RBM34: variants seen among roughly 807,000 people sequenced by gnomAD.
The protein encoded by RBM34 is RNA-binding protein 34.
RBM34 carries 39 observed loss-of-function variants against 44.6 expected under a neutral mutation model. That is an observed-to-expected ratio of 0.87 (90% CI 0.68 to 1.14). The LOEUF (loss-of-function observed/expected upper bound fraction) is 1.14, where lower values mean the gene tolerates loss of function less well. Ranked by LOEUF, RBM34 falls within the 50% of genes most tolerant of loss-of-function variation. The pLI is 0.00. For missense variants in RBM34, 572 were observed against 517.9 expected (o/e 1.10, Z -1.01); for synonymous variants, 194 against 184.0 (o/e 1.05, Z -0.44).
At chr1:235,147,010 T>A (rs1661933872) in intron 6 of RBM34, among the ~76,000 whole-genome samples, 1 of 152,204 alleles carries the variant, frequency 6.6e-6, no homozygotes, top group Non-Finnish European at 1.5e-5. Flanking sequence ...GCAGAAGGAT[T>A]GCTTGAAGCC....
intron 8 of RBM34, among the ~76,000 whole-genome samples, chr1:235,137,516 C>T (rs745916240): frequency 2.9e-4 from 44 of 151,422 alleles, no homozygotes; most frequent in Non-Finnish European, 5.6e-4. Context: ...CTGGGACTGT[C>T]GGCATGCATC....
rs1159513135 is a variant in RBM34, at chr1:235,161,196, T to C, written c.31A>G (p.Arg11Gly). 3.1e-6 allele frequency: 5 copies of C among 1,609,480 alleles called. No individual in the cohort carries two copies. Among genetic ancestry groups the C allele is most frequent in the Non-Finnish European group, 4.2e-6 (5 of 1,177,208 alleles). The change falls in exon 1 of 11, where the codon AGA becomes GGA. Residue 11 changes from arginine to glycine, a missense_variant. Physicochemically the swap from Arg to Gly is moderately radical, Grantham distance 125. Coordinates refer to ENST00000408888, the MANE Select transcript of RBM34 (RefSeq NM_015014.4). Reference protein sequence around the residue: MALEGMSKRKRKRSVQEGENP... With the variant: MALEGMSKRKGKRSVQEGENP... ...CACCCCTCCTGGACACTTCTCTTTCTCTTCCGTTTGCTCATCCCTTCCAAG... is the reference window on the plus strand; with the variant it reads ...CACCCCTCCTGGACACTTCTCTTTCCCTTCCGTTTGCTCATCCCTTCCAAG...
At chr1:235,142,725 C>T (rs1047966269) in intron 6 of RBM34, among the ~76,000 whole-genome samples, 3 of 150,632 alleles carry the variant, frequency 2.0e-5, no homozygotes, top group African/African-American at 7.3e-5. Context: ...GTCAGGAGTT[C>T]GAAACCAGCC....
chr1:235,145,063 T>C (rs1661846133), intron 6 of RBM34, among the ~76,000 whole-genome samples: 1 of 151,952 alleles, frequency 6.6e-6, no homozygotes. Context: ...ATTAAATAAA[T>C]AAACAAATAG....
chr1:235,160,435 T>G (rs911719397), intron 3 of RBM34, 76 bp downstream of exon 3: 1 of 1,487,816 alleles, frequency 6.7e-7, no homozygotes, highest in African/African-American at 1.4e-5. Flanking sequence ...GAAATAAAAC[T>G]GACGAATATT....
In RBM34 at chr1:235,131,546, G is replaced by C. The variant is rs941271910; in HGVS notation, c.*167C>G. The stretch of plus-strand genomic sequence containing the variant: ...AAAAACAAAAAAACCTTCAAAGGTA[G>C]TATCACAATGTGAATAAACTGAGAA... On this transcript the variant is annotated 3_prime_UTR_variant, in exon 11 of 11. Transcript: ENST00000408888. 1.9e-5 allele frequency: 14 copies of C among 755,376 alleles called. No individual in the cohort carries two copies. In the African/African-American group the frequency reaches 2.5e-4, roughly 13 times the overall value. The allele number at this position is 755,376 out of a possible 1,614,324, so 46.8% of individuals were successfully genotyped here. A position where few individuals can be genotyped will look rare whatever the true frequency, so the allele number is the denominator to read the frequency against.
intron 5 of RBM34, among the ~76,000 whole-genome samples, chr1:235,148,734 G>A: frequency 6.6e-6 from 1 of 151,960 alleles, no homozygotes; most frequent in Admixed American, 6.6e-5. Context: ...GAGTAGCTGG[G>A]ACTACAGGCG....
chr1:235,134,535 T>G (rs193264151), intron 10 of RBM34, among the ~76,000 whole-genome samples: 33 of 152,276 alleles, frequency 2.2e-4, no homozygotes, highest in African/African-American at 7.5e-4. Context: ...ATATAACTAA[T>G]TTTGTACAAA....
Position 235,152,429 on chromosome 1 carries a change from C to G in RBM34, c.657+277G>C, listed in dbSNP as rs1476215542. 6 of 1,055,776 alleles carry G rather than the reference C, an allele frequency of 5.7e-6. No homozygotes were observed. The East Asian group carries it at 3.2e-4, about 56-fold the overall frequency. The allele number at this position is 1,055,776 out of a possible 1,614,324, so 65.4% of individuals were successfully genotyped here. A position where few individuals can be genotyped will look rare whatever the true frequency, so the allele number is the denominator to read the frequency against. ...ATCAGTATTAACTTTTCAGTCTATT[C>G]TGCTGACACAGTAAATAAGTCACCC... On this transcript the variant is annotated intron_variant, in intron 5 of 10. Coordinates refer to ENST00000408888, the MANE Select transcript of RBM34 (RefSeq NM_015014.4).
chr1:235,134,549 T>A (rs1558135959), intron 10 of RBM34, among the ~76,000 whole-genome samples: 1 of 152,194 alleles, frequency 6.6e-6, no homozygotes, highest in Non-Finnish European at 1.5e-5. Context: ...GTACAAAGAA[T>A]AAAACTTTCT....
chr1:235,148,433 T>C lies in RBM34; in HGVS notation c.672A>G (p.Gly224=). ...TTGCTGCCAACTTTTTGGATAGCGT[T>C]CCCTCTGCTGGAATCTTTCAAGAGA... ...VRFRSLIPAE[G]TLSKKLAAIK... The change falls in exon 6 of 11, where the codon GGA becomes GGG. Residue 224 remains glycine, a synonymous_variant. Coordinates refer to ENST00000408888, the MANE Select transcript of RBM34 (RefSeq NM_015014.4). 6.3e-7 allele frequency: 1 copy of C among 1,596,728 alleles called. No homozygotes were observed. Among genetic ancestry groups the C allele is most frequent in the Admixed American group, 1.8e-5 (1 of 57,142 alleles).
At chr1:235,132,584 G>C (rs1436161414) in intron 10 of RBM34, among the ~76,000 whole-genome samples, 1 of 152,150 alleles carries the variant, frequency 6.6e-6, no homozygotes, top group African/African-American at 2.4e-5. Flanking sequence ...TGGGATTACA[G>C]GCATGAGCCA....
At chr1:235,137,540 A>ATT (rs558945575) in intron 8 of RBM34, among the ~76,000 whole-genome samples, 9 of 140,764 alleles carry the variant, frequency 6.4e-5, no homozygotes, top group African/African-American at 7.9e-5. Context: ...CACTTGACTA[A>ATT]TTTTTTTTTT....
intron 4 of RBM34, among the ~76,000 whole-genome samples, chr1:235,153,661 G>C (rs1662267159): frequency 6.6e-6 from 1 of 152,144 alleles, no homozygotes; most frequent in African/African-American, 2.4e-5. Flanking sequence ...CCCGACCTCA[G>C]GGGATCCGCC....
intron 6 of RBM34, among the ~76,000 whole-genome samples, chr1:235,138,996 G>A (rs895548683): frequency 2.0e-5 from 3 of 152,154 alleles, no homozygotes; most frequent in African/African-American, 4.8e-5. Flanking sequence ...CCCCTTTGTC[G>A]CGACTGCTGG....
rs773822717 is a variant in RBM34, at chr1:235,161,075, T to C, written c.54-8A>G. ...CCGTCGTCAGGATTCTCTCTAGAAATGGACGACAGAAACTCAGCCACGCCA... is the reference window on the plus strand; with the variant it reads ...CCGTCGTCAGGATTCTCTCTAGAAACGGACGACAGAAACTCAGCCACGCCA... On this transcript the variant is annotated splice_polypyrimidine_tract_variant and splice_region_variant and intron_variant, in intron 1 of 10. Transcript: ENST00000408888. 2 of 1,610,370 alleles carry C rather than the reference T, an allele frequency of 1.2e-6. No homozygotes were observed.
At chr1:235,144,920 G>A (rs1002394459) in intron 6 of RBM34, among the ~76,000 whole-genome samples, 3 of 152,114 alleles carry the variant, frequency 2.0e-5, no homozygotes, top group African/African-American at 7.2e-5. Flanking sequence ...GCACATGCCT[G>A]TAATCCCAGC....
chr1:235,157,433 T>C (rs1572170111), intron 3 of RBM34, among the ~76,000 whole-genome samples: 2 of 152,150 alleles, frequency 1.3e-5, no homozygotes, highest in East Asian at 3.9e-4. Flanking sequence ...AGAAGGCTAG[T>C]GGTAGCGCTC....
intron 6 of RBM34, among the ~76,000 whole-genome samples, chr1:235,140,680 C>T (rs1054509081): frequency 5.3e-5 from 8 of 152,242 alleles, no homozygotes; most frequent in African/African-American, 1.9e-4. Context: ...GGAGTGCAGG[C>T]GCACGGCATG....
Sources: allele counts gnomAD v4.1 joint callset (sites outside exome capture counted in the v4.1 genomes callset), GRCh38; gene constraint gnomAD v4.1.1; transcripts MANE v1.5; gene names NCBI Gene and HGNC (gene_info 2026-07-23, HGNC 2026-07-21).